SLCO1B1: variants seen among roughly 807,000 people sequenced by gnomAD.
SLCO1B1 encodes solute carrier organic anion transporter family member 1B1, also known as OATP-2.
SLCO1B1 carries 81 observed loss-of-function variants against 70.1 expected under a neutral mutation model. The ratio of observed to expected loss-of-function variants is 1.16; its 90% CI spans 0.97 to 1.39. SLCO1B1 has a LOEUF of 1.39. Among genes scored for constraint, SLCO1B1 ranks in the 40% most tolerant of loss-of-function variants. SLCO1B1 has a pLI of 0.00. For missense variants in SLCO1B1, 895 were observed against 799.6 expected (o/e 1.12, Z -1.44); for synonymous variants, 283 against 271.5 (o/e 1.04, Z -0.42).
At chr12:21,209,151 G>C (rs1319387345) in intron 11 of SLCO1B1, among the ~76,000 whole-genome samples, 1 of 151,872 alleles carries the variant, frequency 6.6e-6, no homozygotes, top group Non-Finnish European at 1.5e-5. Context: ...CTGGTGCACT[G>C]AACCCACTAA....
chr12:21,239,340 T>A lies in SLCO1B1; in HGVS notation c.*151T>A. The stretch of plus-strand genomic sequence containing the variant: ...TATAAATAAGCCTATGAACTTATAA[T>A]AAAACAAACTGTAGGTAGAAAAAAT... On this transcript the variant is annotated 3_prime_UTR_variant, in exon 15 of 15. Coordinates refer to ENST00000256958, the MANE Select transcript of SLCO1B1 (RefSeq NM_006446.5). 1 of 677,902 alleles carries A rather than the reference T, an allele frequency of 1.5e-6. No individual in the cohort carries two copies. 42.0% of individuals were successfully genotyped at this position (677,902 alleles called of 1,614,324 possible).
At chr12:21,229,747 G>A (rs796685813) in intron 14 of SLCO1B1, among the ~76,000 whole-genome samples, 6 of 152,200 alleles carry the variant, frequency 3.9e-5, no homozygotes, top group African/African-American at 1.4e-4. Flanking sequence ...TTGCTTATTA[G>A]TTCCAAGTGT....
At chr12:21,135,705 C>G (rs1332331013) in intron 1 of SLCO1B1, among the ~76,000 whole-genome samples, 1 of 152,106 alleles carries the variant, frequency 6.6e-6, no homozygotes, top group Admixed American at 6.6e-5. Context: ...TCCTCCATCC[C>G]TTTATTTTGA....
At chr12:21,206,892 A>G (rs986274054) in intron 11 of SLCO1B1, among the ~76,000 whole-genome samples, 1 of 152,066 alleles carries the variant, frequency 6.6e-6, no homozygotes, top group Middle Eastern at 3.4e-3. Flanking sequence ...TGATTTTTAA[A>G]CATTCTCCAT....
intron 14 of SLCO1B1, among the ~76,000 whole-genome samples, chr12:21,236,219 G>T (rs918766013): frequency 6.6e-6 from 1 of 152,070 alleles, no homozygotes; most frequent in Non-Finnish European, 1.5e-5. Context: ...TGTCCCAGGG[G>T]AAGCTATAGT....
intron 1 of SLCO1B1, among the ~76,000 whole-genome samples, chr12:21,132,945 C>G (rs1940163484): frequency 6.6e-6 from 1 of 151,908 alleles, no homozygotes; most frequent in Non-Finnish European, 1.5e-5. Flanking sequence ...AGGTTTTCTT[C>G]TAGGGTTTTT....
intron 11 of SLCO1B1, among the ~76,000 whole-genome samples, chr12:21,207,890 G>C (rs946327906): frequency 6.6e-6 from 1 of 151,882 alleles, no homozygotes; most frequent in Non-Finnish European, 1.5e-5. Context: ...TTTTTTTGAT[G>C]ATTAGTGATG....
At chr12:21,151,296 G>C (rs1037654906) in intron 2 of SLCO1B1, among the ~76,000 whole-genome samples, 3 of 152,162 alleles carry the variant, frequency 2.0e-5, no homozygotes, top group Admixed American at 2.0e-4. Context: ...TGTGACTGTA[G>C]TTAGATTAGT....
chr12:21,193,223 A>G (rs181194312), intron 7 of SLCO1B1, among the ~76,000 whole-genome samples: 29 of 152,204 alleles, frequency 1.9e-4, no homozygotes, highest in African/African-American at 6.5e-4. Context: ...TTGGTCTATA[A>G]TGTTGTTGAA....
chr12:21,175,137 A>C (rs1940805047), intron 4 of SLCO1B1, among the ~76,000 whole-genome samples: 1 of 152,132 alleles, frequency 6.6e-6, no homozygotes, highest in Non-Finnish European at 1.5e-5. Context: ...CCTGAGAGAA[A>C]AGTTAAAATG....
intron 11 of SLCO1B1, among the ~76,000 whole-genome samples, chr12:21,214,884 C>T (rs572644532): frequency 2.0e-4 from 30 of 151,702 alleles, no homozygotes; most frequent in Non-Finnish European, 3.5e-4. Flanking sequence ...TGACCCCTTG[C>T]GCTTCCCAAG....
At chr12:21,175,501 G>A (rs1486782510) in intron 4 of SLCO1B1, among the ~76,000 whole-genome samples, 3 of 152,064 alleles carry the variant, frequency 2.0e-5, no homozygotes, top group Non-Finnish European at 4.4e-5. Context: ...TATAATTACT[G>A]TGGAAGGAAA....
At chr12:21,166,263 C>CA (rs1940684136) in intron 2 of SLCO1B1, among the ~76,000 whole-genome samples, 1 of 151,512 alleles carries the variant, frequency 6.6e-6, no homozygotes, top group Non-Finnish European at 1.5e-5. Context: ...TGTCAAAGGC[C>CA]AAAAAAATAA....
At chr12:21,165,443 G>C (rs569840043) in intron 2 of SLCO1B1, among the ~76,000 whole-genome samples, 1 of 152,046 alleles carries the variant, frequency 6.6e-6, no homozygotes, top group African/African-American at 2.4e-5. Context: ...CTCATAAAAC[G>C]TCTGAGAAGA....
rs143551932 is a variant in SLCO1B1, at chr12:21,190,436, G to T, written c.728-6510G>T. Among the ~76,000 whole-genome samples, 55 of 152,128 alleles carry T rather than the reference G, an allele frequency of 3.6e-4. 1 individual carries two copies. Among genetic ancestry groups the T allele is most frequent in the African/African-American group, 1.3e-3 (54 of 41,512 alleles). On this transcript the variant is annotated intron_variant, in intron 7 of 14. Transcript: ENST00000256958. ...CTCCTTTCATCTGTTGGTAGGCCAG[G>T]GTCTACCAGGATGGACCAGGCATCC...
intron 14 of SLCO1B1, among the ~76,000 whole-genome samples, chr12:21,231,457 A>G (rs566987013): frequency 6.6e-6 from 1 of 151,886 alleles, no homozygotes; most frequent in Admixed American, 6.6e-5. Flanking sequence ...GGTACCTCCT[A>G]TTTTTCCCAA....
chr12:21,211,055 C>T (rs1174176443), intron 11 of SLCO1B1, among the ~76,000 whole-genome samples: 1 of 152,070 alleles, frequency 6.6e-6, no homozygotes, highest in Non-Finnish European at 1.5e-5. Context: ...CATTTATTTC[C>T]TTCTCCTGCC....
chr12:21,236,462 G>A (rs1004795331), intron 14 of SLCO1B1, among the ~76,000 whole-genome samples: 18 of 152,214 alleles, frequency 1.2e-4, no homozygotes, highest in African/African-American at 4.3e-4. Context: ...CCTTTAGATA[G>A]AAAGGTGGTG....
chr12:21,228,432 TTAAGG>T (rs1030558856), intron 14 of SLCO1B1, among the ~76,000 whole-genome samples: 1 of 152,222 alleles, frequency 6.6e-6, no homozygotes, highest in Non-Finnish European at 1.5e-5. Context: ...TCTTGTTCCT[TTAAGG>T]TAACCTCACT....
Sources: gnomAD v4.1 joint callset for allele counts (sites outside exome capture counted in the v4.1 genomes callset) on GRCh38, gnomAD v4.1.1 for gene constraint, MANE v1.5 for transcripts, NCBI Gene and HGNC (gene_info 2026-07-23, HGNC 2026-07-21) for gene names.